STARD9: variants seen among roughly 807,000 people sequenced by gnomAD.
STARD9 encodes stAR-related lipid transfer protein 9.
A neutral mutation model predicts 399.8 loss-of-function variants in STARD9; 346 were observed. The observed-to-expected ratio is 0.87, with a 90% CI of 0.79 to 0.95. The LOEUF is 0.95. Ranked by LOEUF, STARD9 falls within the 40% of genes least tolerant of loss-of-function variation. The probability of loss-of-function intolerance (pLI) is 0.00; values close to 1 mark genes in which losing one functional copy is unlikely to be tolerated. For missense variants in STARD9, 5,832 were observed against 5,667.5 expected, an observed-to-expected ratio of 1.03 and a Z score of -0.93; for synonymous variants, 2,203 against 2,143.5, an observed-to-expected ratio of 1.03 and a Z score of -0.77.
At chr15:42,660,951 GTT>G (rs59202724) in intron 9 of STARD9, among the ~76,000 whole-genome samples, 2 of 144,096 alleles carry the variant, frequency 1.4e-5, no homozygotes, top group East Asian at 2.0e-4. Flanking sequence ...TTTTTGTTTT[GTT>G]TTTTTTTTTT....
chr15:42,640,902 G>T (rs140648138), intron 7 of STARD9, among the ~76,000 whole-genome samples: 8 of 150,820 alleles, frequency 5.3e-5, no homozygotes, highest in Admixed American at 6.6e-5. Flanking sequence ...TCAGATATCC[G>T]CATTATACAG....
intron 26 of STARD9, among the ~76,000 whole-genome samples, chr15:42,704,203 G>C (rs889827496): frequency 6.6e-6 from 1 of 152,108 alleles, no homozygotes; most frequent in Non-Finnish European, 1.5e-5. Flanking sequence ...GAGCTACCAC[G>C]CCTGGCCAAG....
In STARD9 at chr15:42,675,695, G is replaced by C; in HGVS notation, c.1719G>C (p.Lys573Asn). 2.0e-6 allele frequency: 3 copies of C among 1,537,250 alleles called. No individual in the cohort carries two copies. The highest frequency in any genetic ancestry group is 2.6e-6 in the Non-Finnish European group (3 of 1,146,886). ...GAVITLGKAQ[K>N]FRFNHPAEAA... ...TCATAACCCTGGGGAAGGCACAGAA[G>C]TTCCGATTCAACCACCCAGCAGAGG... Residue 573 changes from lysine to asparagine, a missense_variant, in exon 19 of 33, where the codon AAG (lysine) becomes AAC (asparagine). Around this residue, in one of 2 missense-constraint regions of STARD9, gnomAD observed 5,828 missense variants for 5,651.1 expected, o/e 1.03. Coordinates refer to ENST00000290607, the MANE Select transcript of STARD9 (RefSeq NM_020759.3).
chr15:42,668,305 C>T (rs2060141955), intron 15 of STARD9, among the ~76,000 whole-genome samples: 1 of 152,118 alleles, frequency 6.6e-6, no homozygotes, highest in African/African-American at 2.4e-5. Context: ...GTACATAAAG[C>T]ACTTGTACCT....
chr15:42,718,277 C>CTT, intron 30 of STARD9, 98 bp downstream of exon 30: 3 of 1,294,746 alleles, frequency 2.3e-6, no homozygotes, highest in Non-Finnish European at 3.2e-6. Context: ...AGGCAGCCCT[C>CTT]TTTGGAGGCC....
At chr15:42,653,124 G>A (rs1244247564) in intron 9 of STARD9, among the ~76,000 whole-genome samples, 2 of 152,134 alleles carry the variant, frequency 1.3e-5, no homozygotes, top group Admixed American at 1.3e-4. Flanking sequence ...AATATCTTCT[G>A]CTTATATTTA....
In STARD9 at chr15:42,669,302, G is replaced by T. The variant is rs1228074345; in HGVS notation, c.1462G>T (p.Val488Leu). ...LPHLMALEDDVLSTGVVLYHL... is the reference protein window; with the variant it reads ...LPHLMALEDDLLSTGVVLYHL... ...ACACTTGATGGCCTTGGAGGATGATGTGCTCAGCACAGGTGTTGTGCTCTA... is the reference window on the plus strand; with the variant it reads ...ACACTTGATGGCCTTGGAGGATGATTTGCTCAGCACAGGTGTTGTGCTCTA... The change falls in exon 16 of 33, where the codon GTG (valine) becomes TTG (leucine). Residue 488 changes from valine to leucine, a missense_variant. Physicochemically the swap from Val to Leu is conservative, Grantham distance 32. Around this residue, in one of 2 missense-constraint regions of STARD9, gnomAD observed 5,828 missense variants for 5,651.1 expected, o/e 1.03. Transcript: ENST00000290607. 5.2e-6 allele frequency: 8 copies of T among 1,536,316 alleles called. No homozygotes were observed. In the East Asian group the frequency reaches 1.7e-4, roughly 33 times the overall value.
At chr15:42,591,412 C>T (rs999966304) in intron 3 of STARD9, among the ~76,000 whole-genome samples, 1 of 151,792 alleles carries the variant, frequency 6.6e-6, no homozygotes, top group Non-Finnish European at 1.5e-5. Flanking sequence ...TGCTTTAACC[C>T]GGGAAGCGGT....
intron 2 of STARD9, among the ~76,000 whole-genome samples, chr15:42,584,936 C>T (rs2058245196): frequency 6.6e-6 from 1 of 152,154 alleles, no homozygotes; most frequent in Non-Finnish European, 1.5e-5. Context: ...TTTTTGAATG[C>T]TGACATGACG....
chr15:42,643,289 C>G (rs1375980835), intron 7 of STARD9, among the ~76,000 whole-genome samples: 1 of 151,812 alleles, frequency 6.6e-6, no homozygotes, highest in African/African-American at 2.4e-5. Context: ...CTCTGCCTTC[C>G]AAGTTTGAGT....
chr15:42,714,297 ACCT>A (rs1340031468), intron 26 of STARD9, among the ~76,000 whole-genome samples: 1 of 151,896 alleles, frequency 6.6e-6, no homozygotes, highest in Non-Finnish European at 1.5e-5. Context: ...CGATCTCCTG[ACCT>A]CGTGATCCAC....
chr15:42,631,330 C>T (rs527386875), intron 3 of STARD9, among the ~76,000 whole-genome samples: 116 of 152,108 alleles, frequency 7.6e-4, no homozygotes, highest in African/African-American at 2.4e-3. Context: ...ACCTGTAGTC[C>T]TAGTACTTTG....
intron 3 of STARD9, among the ~76,000 whole-genome samples, chr15:42,617,301 T>C (rs945369834): frequency 4.6e-5 from 7 of 152,218 alleles, no homozygotes; most frequent in Non-Finnish European, 7.3e-5. Flanking sequence ...GTCAAATTAA[T>C]GTTTGACTTC....
chr15:42,669,970 G>C (rs1381232439), intron 16 of STARD9: 1 of 152,262 alleles, frequency 6.6e-6, no homozygotes, highest in Non-Finnish European at 1.5e-5. Flanking sequence ...AGAATCACTT[G>C]AACCCAGGAG....
In STARD9 at chr15:42,693,793, C is replaced by T; in HGVS notation, c.12215C>T (p.Thr4072Ile). Residue 4072 changes from threonine to isoleucine, a missense_variant, in exon 23 of 33, where the codon ACT becomes ATT. By Grantham distance (89) the Thr-to-Ile change is moderately conservative (BLOSUM62 -1). Coordinates refer to ENST00000290607, the MANE Select transcript of STARD9 (RefSeq NM_020759.3). ...GCATCTCCAGGGGAACCACAACGCA[C>T]TCTGGACCGACCTTCTTCATGGGGA... ...SSASPGEPQR[T>I]LDRPSSWGGL... The T allele has an allele frequency of 1.3e-6, 2 of 1,536,264 alleles. No individual in the cohort carries two copies. Among genetic ancestry groups the T allele is most frequent in the Non-Finnish European group, 1.7e-6 (2 of 1,146,556 alleles).
chr15:42,682,514 A>T lies in STARD9; in HGVS notation c.2476A>T (p.Thr826Ser). The change falls in exon 22 of 33, where the codon ACG (threonine) becomes TCG (serine). Residue 826 changes from threonine to serine, a missense_variant. By Grantham distance (58) the Thr-to-Ser change is moderately conservative. Transcript: ENST00000290607. Reference protein sequence around the residue: ...VPRPPCRSKLTSCSSLSPQRL... With the variant: ...VPRPPCRSKLSSCSSLSPQRL... ...ACGGCCTCCATGTAGAAGCAAATTG[A>T]CGAGTTGCAGTTCTTTGAGCCCCCA... is the stretch of plus-strand genomic sequence containing the variant. 1 of 1,537,122 alleles carries T rather than the reference A, an allele frequency of 6.5e-7. No homozygotes were observed. The highest frequency in any genetic ancestry group is 8.7e-7 in the Non-Finnish European group (1 of 1,146,874).
chr15:42,608,643 A>C (rs888907858), intron 3 of STARD9, among the ~76,000 whole-genome samples: 72 of 152,166 alleles, frequency 4.7e-4, no homozygotes, highest in Non-Finnish European at 7.2e-4. Flanking sequence ...CAACCAAAAA[A>C]ACTTGAAGCA....
chr15:42,689,780 G>C lies in STARD9; in HGVS notation c.8202G>C (p.Arg2734Ser). 6.5e-7 allele frequency: 1 copy of C among 1,537,500 alleles called. No individual in the cohort carries two copies. Among genetic ancestry groups the C allele is most frequent in the South Asian group, 1.2e-5 (1 of 84,060 alleles). Residue 2734 changes from arginine to serine, a missense_variant, in exon 23 of 33, where the codon AGG (arginine) becomes AGC (serine). By Grantham distance (110) the Arg-to-Ser change is moderately radical. This residue lies in a region of STARD9 where 5,828 missense variants were observed against 5,651.1 expected (regional missense o/e 1.03). Transcript: ENST00000290607. ...CAGCACCTGTGGAGGAGGTCAGGAGGGTAGTATCAAAGAAGGTAGTGGCTG... is the reference window on the plus strand; with the variant it reads ...CAGCACCTGTGGAGGAGGTCAGGAGCGTAGTATCAAAGAAGGTAGTGGCTG... ...RSSAPVEEVR[R>S]VVSKKVVAAL... is the part of the protein sequence containing the mutation.
intron 16 of STARD9, chr15:42,673,831 T>A (rs1474618649): frequency 9.1e-6 from 4 of 441,364 alleles, no homozygotes; most frequent in African/African-American, 2.0e-5. Context: ...TCATTTGTAC[T>A]AACTCCAGTT....
Sources: allele counts gnomAD v4.1 joint callset (sites outside exome capture counted in the v4.1 genomes callset), GRCh38; gene constraint gnomAD v4.1.1; regional missense constraint gnomAD v4.1.1; transcripts MANE v1.5; gene names NCBI Gene and HGNC (gene_info 2026-07-23, HGNC 2026-07-21).